DPP10: variants seen among roughly 807,000 people sequenced by gnomAD.
DPP10 encodes the protein inactive dipeptidyl peptidase 10.
A neutral mutation model predicts 120.9 loss-of-function variants in DPP10; 33 were observed. The observed-to-expected ratio is 0.27, with a 90% CI of 0.21 to 0.37. The LOEUF is 0.37. DPP10 is among the 10% of genes least tolerant of loss of function. The pLI is 1.00. For synonymous variants in DPP10, 337 were observed against 326.1 expected, an observed-to-expected ratio of 1.03 and a Z score of -0.36; for missense variants, 816 against 942.8, an observed-to-expected ratio of 0.87 and a Z score of 1.76.
intron 3 of DPP10, among the ~76,000 whole-genome samples, chr2:115,358,986 A>G (rs1404931451): frequency 1.3e-5 from 2 of 152,192 alleles, no homozygotes; most frequent in African/African-American, 2.4e-5. Flanking sequence ...CATGGAGATT[A>G]TGGAAACTAC....
rs182352793 is a variant in DPP10 at position 115,249,517 on chromosome 2, T to C, written c.61-59722T>C. On this transcript the variant is annotated intron_variant, in intron 1 of 25. Transcript: ENST00000410059. ...AAGAGAAATGAGGTTGAAAATGCAG[T>C]TTGAGGCAAGTCATTTCATACCATA... is the stretch of plus-strand genomic sequence containing the variant. Among the ~76,000 whole-genome samples the C allele has an allele frequency of 1.7e-3, 260 of 152,254 alleles. 2 individuals are homozygous for C. The highest frequency in any genetic ancestry group is 5.1e-3 in the African/African-American group (210 of 41,550).
intron 5 of DPP10, among the ~76,000 whole-genome samples, chr2:115,573,590 T>G (rs1157073098): frequency 1.5e-5 from 2 of 136,158 alleles, no homozygotes; most frequent in Non-Finnish European, 3.2e-5. Context: ...CCTTTTTTTT[T>G]TTTTTTTTTT....
chr2:114,665,239 C>T (rs1367367070), intron 1 of DPP10, among the ~76,000 whole-genome samples: 2 of 152,100 alleles, frequency 1.3e-5, no homozygotes, highest in African/African-American at 2.4e-5. Flanking sequence ...AACACCGCAC[C>T]CAAGTTAAAG....
At chr2:115,205,759 C>T (rs1351170156) in intron 1 of DPP10, among the ~76,000 whole-genome samples, 1 of 152,082 alleles carries the variant, frequency 6.6e-6, no homozygotes, top group African/African-American at 2.4e-5. Context: ...CCATTATTGT[C>T]AGCAATTTAA....
intron 1 of DPP10, among the ~76,000 whole-genome samples, chr2:114,878,611 G>A (rs1450329081): frequency 1.3e-5 from 2 of 152,040 alleles, no homozygotes; most frequent in Non-Finnish European, 2.9e-5. Flanking sequence ...AGACTCCAGT[G>A]TCTAACATTC....
chr2:115,538,131 A>G (rs1005303776), intron 5 of DPP10, among the ~76,000 whole-genome samples: 8 of 152,090 alleles, frequency 5.3e-5, no homozygotes, highest in African/African-American at 1.9e-4. Flanking sequence ...CAATGAGGCC[A>G]TGAAATTCAA....
At chr2:115,041,952 T>C (rs997699262) in intron 1 of DPP10, among the ~76,000 whole-genome samples, 1 of 151,954 alleles carries the variant, frequency 6.6e-6, no homozygotes, top group Non-Finnish European at 1.5e-5. Flanking sequence ...GCTGTAGAGA[T>C]GTCATTAAGA....
chr2:115,697,018 G>T (rs184141621), intron 7 of DPP10, among the ~76,000 whole-genome samples: 1 of 151,862 alleles, frequency 6.6e-6, no homozygotes, highest in Non-Finnish European at 1.5e-5. Context: ...ATTCAAATCA[G>T]CACTATAACT....
intron 1 of DPP10, among the ~76,000 whole-genome samples, chr2:114,540,636 T>A (rs929537236): frequency 1.3e-5 from 2 of 152,212 alleles, no homozygotes; most frequent in Non-Finnish European, 2.9e-5. Context: ...ATCTCCTTAA[T>A]GACACTTTTC....
chr2:115,221,641 G>C (rs921829002), intron 1 of DPP10, among the ~76,000 whole-genome samples: 1 of 151,630 alleles, frequency 6.6e-6, no homozygotes, highest in African/African-American at 2.4e-5. Flanking sequence ...CTTTGAAAAA[G>C]ATTGGTAGCA....
chr2:115,088,065 ATAGAT>A (rs1358555280), intron 1 of DPP10, among the ~76,000 whole-genome samples: 1 of 152,192 alleles, frequency 6.6e-6, no homozygotes, highest in Non-Finnish European at 1.5e-5. Context: ...TTCTTGGTTT[ATAGAT>A]GGTGCTTTTT....
At chr2:115,554,691 A>G (rs559392884) in intron 5 of DPP10, among the ~76,000 whole-genome samples, 1 of 152,084 alleles carries the variant, frequency 6.6e-6, no homozygotes, top group Non-Finnish European at 1.5e-5. Flanking sequence ...ACCAACACAC[A>G]TAAGTCTTTT....
chr2:115,115,341 A>G (rs1166214036), intron 1 of DPP10, among the ~76,000 whole-genome samples: 1 of 152,112 alleles, frequency 6.6e-6, no homozygotes, highest in Non-Finnish European at 1.5e-5. Flanking sequence ...TGTGACAACC[A>G]TTGCTAGCAT....
chr2:114,499,860 C>T (rs1683008174), intron 1 of DPP10, among the ~76,000 whole-genome samples: 1 of 152,156 alleles, frequency 6.6e-6, no homozygotes, highest in Non-Finnish European at 1.5e-5. Context: ...AAATGAGGCC[C>T]AACATGAACC....
chr2:115,449,103 T>C (rs2072881100), intron 3 of DPP10, among the ~76,000 whole-genome samples: 1 of 152,124 alleles, frequency 6.6e-6, no homozygotes, highest in Non-Finnish European at 1.5e-5. Context: ...AAGTAACCCA[T>C]GTATTTGAGA....
At chr2:114,558,072 A>C (rs907288588) in intron 1 of DPP10, among the ~76,000 whole-genome samples, 1 of 152,166 alleles carries the variant, frequency 6.6e-6, no homozygotes, top group African/African-American at 2.4e-5. Context: ...GAAGTAAAAC[A>C]TTTAGGCAGT....
intron 1 of DPP10, among the ~76,000 whole-genome samples, chr2:114,814,487 T>C (rs1275562478): frequency 6.6e-6 from 1 of 152,110 alleles, no homozygotes; most frequent in South Asian, 2.1e-4. Context: ...TAACAATAAG[T>C]ATCTGGAATT....
At chr2:115,538,121 C>G (rs763033645) in intron 5 of DPP10, among the ~76,000 whole-genome samples, 23 of 151,992 alleles carry the variant, frequency 1.5e-4, no homozygotes, top group Non-Finnish European at 2.5e-4. Flanking sequence ...GGGAAGGAAG[C>G]AATGAGGCCA....
At chr2:114,657,568 G>C (rs1218873862) in intron 1 of DPP10, among the ~76,000 whole-genome samples, 1 of 152,034 alleles carries the variant, frequency 6.6e-6, no homozygotes, top group African/African-American at 2.4e-5. Context: ...TTTATACATA[G>C]TTTGAGCATA....
Sources: allele counts gnomAD v4.1 joint callset (sites outside exome capture counted in the v4.1 genomes callset), GRCh38; gene constraint gnomAD v4.1.1; transcripts MANE v1.5; gene names NCBI Gene and HGNC (gene_info 2026-07-23, HGNC 2026-07-21).